EDNRB: variants seen among roughly 807,000 people sequenced by gnomAD.
EDNRB encodes Hirschsprung disease 2.
Under a neutral mutation model 46.4 loss-of-function variants are expected in EDNRB, and 18 were observed. That is an observed-to-expected ratio of 0.39 (90% confidence interval 0.27 to 0.57). The LOEUF is 0.57. EDNRB is among the 20% of genes least tolerant of loss of function. The pLI, the probability that EDNRB is intolerant of heterozygous loss-of-function variation, is 0.61. For missense variants in EDNRB, 434 were observed against 537.5 expected (o/e 0.81, Z 1.90); for synonymous variants, 213 against 204.9 (o/e 1.04, Z -0.34).
At chr13:77,922,364 A>T (rs1880110288), upstream of EDNRB, among the ~76,000 whole-genome samples, 1 of 152,198 alleles carries the variant, frequency 6.6e-6, no homozygotes, top group African/African-American at 2.4e-5. Context: ...CATGGGGAGC[A>T]TTCCCAAAAT....
At chr13:77,953,290 A>T (rs1283254131) in intron 1 of EDNRB, among the ~76,000 whole-genome samples, 1 of 152,158 alleles carries the variant, frequency 6.6e-6, no homozygotes, top group Non-Finnish European at 1.5e-5. Flanking sequence ...CCAATTAAAT[A>T]AATACCATAG....
At chr13:77,950,493 G>T (rs1319072596) in intron 1 of EDNRB, among the ~76,000 whole-genome samples, 1 of 152,218 alleles carries the variant, frequency 6.6e-6, no homozygotes, top group Non-Finnish European at 1.5e-5. Flanking sequence ...GCTGACAGAA[G>T]GAGGCTCTGC....
At chr13:77,953,261 C>T (rs12720135) in intron 1 of EDNRB, among the ~76,000 whole-genome samples, 2,206 of 152,058 alleles carry the variant, frequency 0.015, 45 homozygotes, top group East Asian at 0.024. Context: ...TCCTGAGTAA[C>T]TGACATTATT....
At chr13:77,952,018 G>T (rs1336090610) in intron 1 of EDNRB, among the ~76,000 whole-genome samples, 14 of 152,248 alleles carry the variant, frequency 9.2e-5, no homozygotes, top group Admixed American at 6.5e-5. Flanking sequence ...TGGGTCGGGG[G>T]TTTCCCCACT....
intron 3 of EDNRB, among the ~76,000 whole-genome samples, chr13:77,902,186 C>T (rs1290290737): frequency 2.6e-5 from 4 of 151,952 alleles, no homozygotes; most frequent in Non-Finnish European, 1.5e-5. Flanking sequence ...CAGACTCCAT[C>T]CATATCAGGG....
intron 1 of EDNRB, among the ~76,000 whole-genome samples, chr13:77,964,076 A>G (rs1422970951): frequency 4.6e-5 from 7 of 152,226 alleles, no homozygotes; most frequent in Non-Finnish European, 1.0e-4. Context: ...ATGAGATACC[A>G]TCTCACACCA....
At chr13:77,921,411 T>C (rs1303706292), upstream of EDNRB, among the ~76,000 whole-genome samples, 1 of 152,202 alleles carries the variant, frequency 6.6e-6, no homozygotes, top group Non-Finnish European at 1.5e-5. Flanking sequence ...TCACAGTACC[T>C]CATTGATTCT....
At chr13:77,899,645 A>G in intron 6 of EDNRB, 1 of 501,258 alleles carries the variant, frequency 2.0e-6, no homozygotes, top group Non-Finnish European at 3.6e-6. Flanking sequence ...TGATTGGCTG[A>G]GGCAGTAGGG....
upstream of EDNRB, among the ~76,000 whole-genome samples, chr13:77,920,812 A>G (rs1880065486): frequency 6.6e-6 from 1 of 152,214 alleles, no homozygotes; most frequent in Admixed American, 6.5e-5. Context: ...TGTTGTCTGA[A>G]TAAGGAATTA....
At chr13:77,900,734 T>C in intron 4 of EDNRB, 80 bp from the exon 5 acceptor site, 1 of 1,586,658 alleles carries the variant, frequency 6.3e-7, no homozygotes, top group Non-Finnish European at 8.6e-7. Context: ...CGACATTTAA[T>C]ATTGTCTACA....
At chr13:77,944,466 GTT>G (rs59140390) in intron 1 of EDNRB, among the ~76,000 whole-genome samples, 1 of 149,946 alleles carries the variant, frequency 6.7e-6, no homozygotes, top group Non-Finnish European at 1.5e-5. Flanking sequence ...ATATTTACAA[GTT>G]TTTTTTTTAA....
At chr13:77,921,206 A>C (rs988172003), upstream of EDNRB, among the ~76,000 whole-genome samples, 1 of 152,220 alleles carries the variant, frequency 6.6e-6, no homozygotes, top group African/African-American at 2.4e-5. Flanking sequence ...ACCTGCCACA[A>C]AATGAGCTTA....
intron 1 of EDNRB, among the ~76,000 whole-genome samples, chr13:77,917,351 G>A (rs1280539101): frequency 6.6e-6 from 1 of 152,178 alleles, no homozygotes; most frequent in Non-Finnish European, 1.5e-5. Flanking sequence ...TTAATACAAA[G>A]TAGCTACAGT....
intron 1 of EDNRB, among the ~76,000 whole-genome samples, chr13:77,952,660 A>C (rs1881124188): frequency 6.6e-6 from 1 of 152,208 alleles, no homozygotes; most frequent in African/African-American, 2.4e-5. Flanking sequence ...TGAAGAAAAA[A>C]TTTAATGGGA....
chr13:77,919,362 A>G (rs562230296), upstream of EDNRB: 31 of 1,590,558 alleles, frequency 1.9e-5, no homozygotes, highest in Admixed American at 2.9e-4. Context: ...GGTTCAATCA[A>G]TGATTTTAAT....
At chr13:77,936,228 G>A (rs2137659284) in intron 1 of EDNRB, among the ~76,000 whole-genome samples, 1 of 152,294 alleles carries the variant, frequency 6.6e-6, no homozygotes, top group African/African-American at 2.4e-5. Context: ...TGGGGGAAAA[G>A]GCGGCAATGA....
chr13:77,936,867 G>A (rs952043727), intron 1 of EDNRB, among the ~76,000 whole-genome samples: 1 of 152,208 alleles, frequency 6.6e-6, no homozygotes, highest in African/African-American at 2.4e-5. Context: ...TGAAGTTCTT[G>A]TATGCTGGAG....
intron 1 of EDNRB, among the ~76,000 whole-genome samples, chr13:77,905,658 T>C (rs1289585658): frequency 6.6e-6 from 1 of 151,988 alleles, no homozygotes; most frequent in East Asian, 1.9e-4. Flanking sequence ...AGGTGTTTTC[T>C]TGATAAGCTT....
At chr13:77,917,027 A>G (rs1879842729) in intron 1 of EDNRB, among the ~76,000 whole-genome samples, 1 of 152,076 alleles carries the variant, frequency 6.6e-6, no homozygotes, top group Non-Finnish European at 1.5e-5. Context: ...TTCCAAAGCA[A>G]CCTGGAGCAA....
Sources: gnomAD v4.1 joint callset for allele counts (sites outside exome capture counted in the v4.1 genomes callset) on GRCh38, gnomAD v4.1.1 for gene constraint, MANE v1.5 for transcripts, NCBI Gene and HGNC (gene_info 2026-07-23, HGNC 2026-07-21) for gene names.